The following ABCA9 variants were observed in gnomAD, a reference collection of about 807,000 sequenced individuals.
ABCA9 encodes ATP-binding cassette sub-family A member 9.
Under a neutral mutation model 205.3 loss-of-function variants are expected in ABCA9, and 183 were observed. That is an observed-to-expected ratio of 0.89 (90% CI 0.79 to 1.01). The LOEUF (loss-of-function observed/expected upper bound fraction) is 1.01, where lower values mean the gene tolerates loss of function less well. Among genes scored for constraint, ABCA9 ranks in the 50% least tolerant of loss-of-function variants. ABCA9 has a pLI of 0.00. For synonymous variants in ABCA9, 651 were observed against 683.3 expected, an observed-to-expected ratio of 0.95 and a Z score of 0.74; for missense variants, 1,805 against 1,912.4, an observed-to-expected ratio of 0.94 and a Z score of 1.05.
At chr17:69,049,514 G>T in intron 2 of ABCA9, 24 bp from the exon 3 acceptor site, 1 of 1,552,164 alleles carries the variant, frequency 6.4e-7, no homozygotes, top group Non-Finnish European at 8.8e-7. Flanking sequence ...AGAGAAAAAG[G>T]AAACAAACTG....
chr17:69,025,332 GTTCAAAATAGTGCT>G (rs2144322342), intron 16 of ABCA9, among the ~76,000 whole-genome samples: 1 of 152,306 alleles, frequency 6.6e-6, no homozygotes, highest in Non-Finnish European at 1.5e-5. Context: ...TAAGGCAACA[GTTCAAAATAGTGCT>G]TTCAGCGTTC....
chr17:69,001,868 T>A (rs2069885604), intron 25 of ABCA9, among the ~76,000 whole-genome samples: 1 of 152,070 alleles, frequency 6.6e-6, no homozygotes, highest in Admixed American at 6.6e-5. Flanking sequence ...GTCAAGGAAT[T>A]TATCCATTTC....
intron 1 of ABCA9, among the ~76,000 whole-genome samples, chr17:69,054,540 A>AAG (rs1417954274): frequency 6.6e-6 from 1 of 151,278 alleles, no homozygotes; most frequent in Non-Finnish European, 1.5e-5. Context: ...AAAAAAAAAA[A>AAG]GAAAAGAAAA....
intron 31 of ABCA9, among the ~76,000 whole-genome samples, chr17:68,987,243 GATCCACCTTC>G (rs1360970589): frequency 3.3e-5 from 5 of 152,144 alleles, no homozygotes; most frequent in Non-Finnish European, 5.9e-5. Flanking sequence ...TTGAAGCTGG[GATCCACCTTC>G]AGAATCCAAG....
chr17:69,010,685 A>T (rs1187346702), intron 23 of ABCA9, among the ~76,000 whole-genome samples: 1 of 152,172 alleles, frequency 6.6e-6, no homozygotes, highest in Non-Finnish European at 1.5e-5. Context: ...TAACTCTTGC[A>T]GTGGTTTAGG....
intron 25 of ABCA9, among the ~76,000 whole-genome samples, chr17:69,001,746 C>T (rs1326008468): frequency 4.1e-5 from 6 of 146,620 alleles, no homozygotes; most frequent in African/African-American, 1.3e-4. Context: ...CCATCTGGTC[C>T]TGGACTCTTT....
intron 22 of ABCA9, among the ~76,000 whole-genome samples, chr17:69,015,489 C>T (rs2070552955): frequency 6.6e-6 from 1 of 152,154 alleles, no homozygotes; most frequent in Non-Finnish European, 1.5e-5. Context: ...AGATTTTAAA[C>T]AAGAACTGCC....
At chr17:69,022,965 T>G (rs935901463) in intron 17 of ABCA9, among the ~76,000 whole-genome samples, 1 of 152,242 alleles carries the variant, frequency 6.6e-6, no homozygotes, top group Non-Finnish European at 1.5e-5. Flanking sequence ...CACTTTGGAA[T>G]GCATTTAATA....
intron 1 of ABCA9, among the ~76,000 whole-genome samples, chr17:69,058,698 G>T (rs1387033586): frequency 1.3e-5 from 2 of 152,138 alleles, no homozygotes; most frequent in Non-Finnish European, 2.9e-5. Flanking sequence ...AATTAGCTGG[G>T]TGTGGTGGCG....
chr17:69,063,255 C>T (rs2072300581), upstream of ABCA9, among the ~76,000 whole-genome samples: 1 of 152,104 alleles, frequency 6.6e-6, no homozygotes, highest in Non-Finnish European at 1.5e-5. Context: ...ATTTATTTTG[C>T]GGCAGTATTC....
intron 1 of ABCA9, among the ~76,000 whole-genome samples, chr17:69,052,742 G>T (rs2071948255): frequency 6.6e-6 from 1 of 152,098 alleles, no homozygotes. Flanking sequence ...ACAGATTAAG[G>T]ACTCAGTCCC....
rs569489180 is a variant in ABCA9, at chr17:69,044,556, C to G, written c.514G>C (p.Glu172Gln). 1.2e-6 allele frequency: 2 copies of G among 1,613,302 alleles called. No individual in the cohort carries two copies. The highest frequency in any genetic ancestry group is 2.2e-5 in the East Asian group (1 of 44,788). The change falls in exon 5 of 39, where the codon GAG becomes CAG. Residue 172 changes from glutamate (E) to glutamine (Q), a missense_variant. Glu to Gln is a conservative substitution (Grantham distance 29). Transcript: ENST00000340001. Reference sequence around the variant, plus strand: ...GCTACAAAGCCTTTCTCCCAGAACTCTGAACCTTCACACTTCATTTTTTCA... The same window carrying G: ...GCTACAAAGCCTTTCTCCCAGAACTGTGAACCTTCACACTTCATTTTTTCA... Reference protein sequence around the residue: ...VNEKMKCEGSEFWEKGFVAFQ... With the variant: ...VNEKMKCEGSQFWEKGFVAFQ...
intron 25 of ABCA9, among the ~76,000 whole-genome samples, chr17:68,999,046 ATCT>A (rs2069736285): frequency 1.3e-5 from 2 of 151,888 alleles, no homozygotes; most frequent in South Asian, 2.1e-4. Context: ...GTCTACTGAG[ATCT>A]TCTATTTGCT....
At chr17:69,016,567 TCCGG>T (rs1211180469) in intron 21 of ABCA9, among the ~76,000 whole-genome samples, 177 bp from the exon 22 acceptor site, 161 of 152,258 alleles carry the variant, frequency 1.1e-3, no homozygotes, top group African/African-American at 3.7e-3. Flanking sequence ...ACTTAAAGAA[TCCGG>T]TATTTTGGTT....
At chr17:69,051,493 A>G (rs2071900518) in intron 1 of ABCA9, 1 of 236,676 alleles carries the variant, frequency 4.2e-6, no homozygotes, top group Non-Finnish European at 8.3e-6. Context: ...TAACCCAGTC[A>G]CATGGGTGAT....
rs985533001 is a variant in ABCA9, at chr17:69,032,140, C to T, written c.1413G>A (p.Val471=). ...CTTCTTTCCCACAGAATTCTGGAGA[C>T]ACTGGTTCAAAACAGTCATTAGGTG... The part of the protein sequence containing the change: ...DPTPNDCFEP[V]SPEFCGKEAI... Residue 471 remains valine, a synonymous_variant, in exon 10 of 39, where the codon GTG becomes GTA. Coordinates refer to ENST00000340001, the MANE Select transcript of ABCA9 (RefSeq NM_080283.4). The T allele has an allele frequency of 3.7e-6, 6 of 1,613,092 alleles. No individual in the cohort carries two copies. The highest frequency in any genetic ancestry group is 1.3e-5 in the African/African-American group (1 of 74,884).
At chr17:69,039,159 A>G (rs1448946203) in intron 6 of ABCA9, among the ~76,000 whole-genome samples, 2 of 152,222 alleles carry the variant, frequency 1.3e-5, no homozygotes, top group Non-Finnish European at 2.9e-5. Flanking sequence ...TATAGATTCA[A>G]TGCTATTCCC....
rs1472586656 is a variant in ABCA9 at position 68,975,730 on chromosome 17, A to G, written c.*185T>C. ...AGGCTGCATGGTATGGCTTAGGCTT[A>G]TGCCCTATGATCGCCCTCACTGACA... On this transcript the variant is annotated 3_prime_UTR_variant, in exon 39 of 39. Transcript: ENST00000340001. 1.7e-6 allele frequency: 1 copy of G among 579,824 alleles called. No homozygotes were observed. Among genetic ancestry groups the G allele is most frequent in the Non-Finnish European group, 3.1e-6 (1 of 326,380 alleles). The allele number at this position is 579,824 out of a possible 1,614,324, so 35.9% of individuals were successfully genotyped here.
intron 37 of ABCA9, among the ~76,000 whole-genome samples, chr17:68,978,740 T>A (rs2068956598): frequency 6.6e-6 from 1 of 152,222 alleles, no homozygotes; most frequent in South Asian, 2.1e-4. Context: ...TTAGTTTGGC[T>A]GAATATGAAA....
Sources: gnomAD v4.1 joint callset for allele counts (sites outside exome capture counted in the v4.1 genomes callset) on GRCh38, gnomAD v4.1.1 for gene constraint, MANE v1.5 for transcripts, NCBI Gene and HGNC (gene_info 2026-07-23, HGNC 2026-07-21) for gene names.